Variants in RAB38 observed in about 807,000 individuals in gnomAD.
The protein encoded by RAB38 is RAB38, member RAS oncogene family, also known as ras-related protein Rab-38.
A neutral mutation model predicts 18.4 loss-of-function variants in RAB38; 15 were observed. The observed-to-expected ratio is 0.82, with a 90% confidence interval of 0.55 to 1.26. The LOEUF (loss-of-function observed/expected upper bound fraction) is 1.26, where lower values mean the gene tolerates loss of function less well. Ranked by LOEUF, RAB38 falls within the 50% of genes most tolerant of loss-of-function variation. The pLI is 0.00. For missense variants in RAB38, 294 were observed against 267.4 expected, an observed-to-expected ratio of 1.10 and a Z score of -0.69; for synonymous variants, 101 against 104.4, an observed-to-expected ratio of 0.97 and a Z score of 0.20.
chr11:88,128,919 G>T (rs1942735718), intron 2 of RAB38, among the ~76,000 whole-genome samples: 2 of 152,180 alleles, frequency 1.3e-5, no homozygotes, highest in Admixed American at 1.3e-4. Context: ...TGCAGCAGGA[G>T]AGGAAGAGGA....
At chr11:88,155,425 C>T (rs1189331855) in intron 1 of RAB38, among the ~76,000 whole-genome samples, 2 of 151,896 alleles carry the variant, frequency 1.3e-5, no homozygotes, top group African/African-American at 4.8e-5. Context: ...GAAAGAAGTA[C>T]ATAAGGCTAC....
chr11:87,947,530 T>G, the RAB38 span, among the ~76,000 whole-genome samples: 2 of 152,304 alleles, frequency 1.3e-5, no homozygotes, highest in East Asian at 3.9e-4. Context: ...AGGTCTAACA[T>G]TTAAGTCTTT....
At chr11:87,931,339 A>G in the RAB38 span, among the ~76,000 whole-genome samples, 5 of 152,104 alleles carry the variant, frequency 3.3e-5, no homozygotes, top group Admixed American at 1.3e-4. Flanking sequence ...AGGCCCTTTC[A>G]TCATACCTAC....
chr11:87,973,058 C>T, the RAB38 span, among the ~76,000 whole-genome samples: 1 of 151,924 alleles, frequency 6.6e-6, no homozygotes, highest in Admixed American at 6.6e-5. Flanking sequence ...GAGGCCTCCC[C>T]AGCCATGCTT....
chr11:88,164,796 TAGCCTCTA>T (rs1943228975), intron 1 of RAB38, among the ~76,000 whole-genome samples: 1 of 152,066 alleles, frequency 6.6e-6, no homozygotes, highest in Admixed American at 6.6e-5. Context: ...ACTTGCGCTG[TAGCCTCTA>T]GAGTCTAGTG....
the RAB38 span, among the ~76,000 whole-genome samples, chr11:87,889,218 A>G: frequency 6.6e-6 from 1 of 151,876 alleles, no homozygotes; most frequent in African/African-American, 2.4e-5. Context: ...GTGGGAGCAG[A>G]GGGCCCCTTA....
chr11:88,159,239 AT>A (rs1943160783), intron 1 of RAB38, among the ~76,000 whole-genome samples: 1 of 147,222 alleles, frequency 6.8e-6, no homozygotes, highest in Admixed American at 6.8e-5. Flanking sequence ...ATAAATAAAA[AT>A]AAAATAAAAT....
chr11:88,005,841 G>A, the RAB38 span, among the ~76,000 whole-genome samples: 21 of 151,336 alleles, frequency 1.4e-4, 1 homozygote, highest in African/African-American at 4.8e-4. Flanking sequence ...TCCCAGCATT[G>A]TTTATTGAGG....
chr11:87,823,687 G>A, the RAB38 span, among the ~76,000 whole-genome samples: 4 of 151,970 alleles, frequency 2.6e-5, no homozygotes, highest in African/African-American at 7.2e-5. Context: ...CAAATGGAAC[G>A]CAAATGGTCG....
chr11:87,943,293 AT>A, the RAB38 span, among the ~76,000 whole-genome samples: 1 of 152,080 alleles, frequency 6.6e-6, no homozygotes, highest in Non-Finnish European at 1.5e-5. Context: ...AATTTAAATT[AT>A]TTTTATTGTT....
chr11:88,084,766 GT>G, the RAB38 span, among the ~76,000 whole-genome samples: 1 of 151,540 alleles, frequency 6.6e-6, no homozygotes, highest in African/African-American at 2.4e-5. Context: ...TGTCTTTCCA[GT>G]TCTTTGGAAG....
chr11:88,068,636 A>C, the RAB38 span, among the ~76,000 whole-genome samples: 1 of 152,324 alleles, frequency 6.6e-6, no homozygotes, highest in African/African-American at 2.4e-5. Flanking sequence ...AAATGACACA[A>C]ATAAGCATTT....
the RAB38 span, among the ~76,000 whole-genome samples, chr11:88,018,394 T>C: frequency 6.6e-6 from 1 of 152,158 alleles, no homozygotes; most frequent in African/African-American, 2.4e-5. Context: ...CATTCAAACA[T>C]AGTGAAATAG....
the RAB38 span, among the ~76,000 whole-genome samples, chr11:87,941,070 G>C: frequency 2.0e-5 from 3 of 151,278 alleles, no homozygotes; most frequent in African/African-American, 7.3e-5. Flanking sequence ...TAGAACTAAA[G>C]ACAGATTCTT....
chr11:87,901,715 C>T, the RAB38 span, among the ~76,000 whole-genome samples: 4 of 151,570 alleles, frequency 2.6e-5, no homozygotes, highest in East Asian at 2.0e-4. Flanking sequence ...ATAATGCAAT[C>T]ACCGGAGCTG....
chr11:87,846,405 G>A, the RAB38 span, among the ~76,000 whole-genome samples: 5 of 151,918 alleles, frequency 3.3e-5, no homozygotes, highest in African/African-American at 9.7e-5. Flanking sequence ...GGGGAGAATC[G>A]ATATGAAAGA....
the RAB38 span, among the ~76,000 whole-genome samples, chr11:87,886,568 C>T: frequency 6.6e-6 from 1 of 151,930 alleles, no homozygotes; most frequent in African/African-American, 2.4e-5. Flanking sequence ...GGTTAATTTG[C>T]AACTAATCAA....
the RAB38 span, among the ~76,000 whole-genome samples, chr11:87,867,291 G>C: frequency 2.0e-5 from 3 of 151,682 alleles, no homozygotes; most frequent in African/African-American, 4.8e-5. Flanking sequence ...CATCTTTAAA[G>C]ACTAACATTT....
At chr11:88,158,778 A>G (rs574123707) in intron 1 of RAB38, among the ~76,000 whole-genome samples, 1 of 152,268 alleles carries the variant, frequency 6.6e-6, no homozygotes, top group South Asian at 2.1e-4. Flanking sequence ...CAACATAATA[A>G]GAGTGATCGA....
Sources: gnomAD v4.1 joint callset for allele counts (sites outside exome capture counted in the v4.1 genomes callset) on GRCh38, gnomAD v4.1.1 for gene constraint, MANE v1.5 for transcripts, NCBI Gene and HGNC (gene_info 2026-07-23, HGNC 2026-07-21) for gene names.